Variants in C3orf52 observed in about 807,000 individuals in gnomAD.
C3orf52 encodes TPA-induced transmembrane protein.
Under a neutral mutation model 24.8 loss-of-function variants are expected in C3orf52, and 22 were observed. The ratio of observed to expected loss-of-function variants is 0.89; its 90% CI spans 0.63 to 1.27. The LOEUF (loss-of-function observed/expected upper bound fraction) is 1.27. C3orf52 is among the 50% of genes most tolerant of loss of function. C3orf52 has a pLI of 0.00. For missense variants in C3orf52, 265 were observed against 260.7 expected (o/e 1.02, Z -0.11); for synonymous variants, 93 against 100.2 (o/e 0.93, Z 0.43).
downstream of C3orf52, among the ~76,000 whole-genome samples, chr3:112,132,343 C>T (rs939003542): frequency 2.0e-5 from 3 of 152,092 alleles, no homozygotes; most frequent in Non-Finnish European, 4.4e-5. Context: ...CCCTCTGGCT[C>T]GCTTACTCTC....
rs749866717 is a variant in C3orf52, at chr3:112,102,818, A to T, written c.269-20A>T. 2.6e-6 allele frequency: 4 copies of T among 1,533,548 alleles called. No homozygotes were observed. The African/African-American group carries it at 4.2e-5, about 16-fold the overall frequency. 95.0% of individuals were successfully genotyped at this position (1,533,548 alleles called of 1,614,324 possible). On this transcript the variant is annotated intron_variant, in intron 2 of 5. Coordinates refer to ENST00000264848, the MANE Select transcript of C3orf52 (RefSeq NM_024616.3). ...GTGTTTACTTTTGTTTTTCATTTCC[A>T]CCTCCCCTACTTTCTTTAGTAACTT...
intron 4 of C3orf52, chr3:112,123,513 A>G (rs1319541443): frequency 6.2e-7 from 1 of 1,614,184 alleles, no homozygotes; most frequent in Non-Finnish European, 8.5e-7. Flanking sequence ...CTGTTGCAGA[A>G]AGTGAGAGGA....
rs878888820 is a variant in C3orf52, at chr3:112,093,213, C to A, written c.139-147C>A. ...TGAGGTTCTGTTCTGCCTCTGATCT[C>A]TCTTTTTGAAAACTTGATTCAGTAG... On this transcript the variant is annotated intron_variant, in intron 1 of 5. Coordinates refer to ENST00000264848, the MANE Select transcript of C3orf52 (RefSeq NM_024616.3). 53 of 711,808 alleles carry A rather than the reference C, an allele frequency of 7.4e-5. No homozygotes were observed. The South Asian group carries it at 8.2e-4, about 11-fold the overall frequency. 44.1% of individuals were successfully genotyped at this position (711,808 alleles called of 1,614,324 possible).
At chr3:112,102,799 A>G (rs1304860280) in intron 2 of C3orf52, 39 bp from the exon 3 acceptor site, 1 of 1,513,138 alleles carries the variant, frequency 6.6e-7, no homozygotes, top group Non-Finnish European at 8.9e-7. Flanking sequence ...GCAGGTGTTT[A>G]CTTTTGTTTT....
intron 3 of C3orf52, among the ~76,000 whole-genome samples, chr3:112,107,661 A>C (rs570107859): frequency 1.2e-4 from 19 of 152,316 alleles, no homozygotes; most frequent in African/African-American, 3.9e-4. Context: ...TTTTACTAGC[A>C]CAGTGACCTG....
rs533515584 is a variant in C3orf52, at chr3:112,117,760, A to G, written c.*1114A>G. 1 of 152,382 alleles carries G rather than the reference A, an allele frequency of 6.6e-6. No individual in the cohort carries two copies. The highest frequency in any genetic ancestry group is 1.9e-4 in the East Asian group (1 of 5,194). 9.4% of individuals were successfully genotyped at this position (152,382 alleles called of 1,614,324 possible). A position where few individuals can be genotyped will look rare whatever the true frequency, so the allele number is the denominator to read the frequency against. On this transcript the variant is annotated 3_prime_UTR_variant, in exon 6 of 6. Transcript: ENST00000264848. ...ATATTAGCAACTGTATTGGTTGTCT[A>G]CAGATACAGAATTGCCTGTTGTGAG...
chr3:112,119,332 G>A (rs867613749), downstream of C3orf52: 26 of 637,356 alleles, frequency 4.1e-5, no homozygotes, highest in Middle Eastern at 2.5e-4. Context: ...CTGAGATCAC[G>A]CCATTGCACT....
At position 112,086,630 on chromosome 3, in the gene C3orf52, T is replaced by G. The variant is rs565444400; in HGVS notation, c.138+85T>G. ...GCCTGGCACCCGCGAGTTTCGGGTT[T>G]CCAGTCAGGCGGGGCGTCGACGGCG... On this transcript the variant is annotated intron_variant, in intron 1 of 5. Transcript: ENST00000264848. 1.8e-5 allele frequency: 27 copies of G among 1,476,764 alleles called. No individual in the cohort carries two copies. The African/African-American group carries it at 3.3e-4, about 18-fold the overall frequency. 91.5% of individuals were successfully genotyped at this position (1,476,764 alleles called of 1,614,324 possible).
chr3:112,093,536 T>G, intron 2 of C3orf52, 47 bp downstream of exon 2: 1 of 1,564,802 alleles, frequency 6.4e-7, no homozygotes, highest in Non-Finnish European at 8.7e-7. Flanking sequence ...AAGAACTTAC[T>G]TAAGGCTTGT....
chr3:112,102,420 A>G (rs1430457909), intron 2 of C3orf52, among the ~76,000 whole-genome samples: 3 of 147,578 alleles, frequency 2.0e-5, no homozygotes, highest in Non-Finnish European at 4.5e-5. Context: ...ATGCTAATTC[A>G]TTGACCTGAA....
downstream of C3orf52, among the ~76,000 whole-genome samples, chr3:112,131,791 G>A (rs899151527): frequency 2.0e-5 from 3 of 152,160 alleles, no homozygotes; most frequent in African/African-American, 7.2e-5. Context: ...CTTAGGAAGA[G>A]CAAAGAATTT....
At chr3:112,094,984 A>G (rs749862775) in intron 2 of C3orf52, among the ~76,000 whole-genome samples, 1 of 152,104 alleles carries the variant, frequency 6.6e-6, no homozygotes, top group African/African-American at 2.4e-5. Flanking sequence ...CAGAAACTAC[A>G]TTTTCCATTT....
intron 3 of C3orf52, among the ~76,000 whole-genome samples, chr3:112,106,896 A>G (rs2074030350): frequency 6.6e-6 from 1 of 152,156 alleles, no homozygotes; most frequent in Admixed American, 6.5e-5. Flanking sequence ...CATCAGACTC[A>G]GCTAATCAAT....
downstream of C3orf52, chr3:112,133,158 A>G: frequency 6.2e-7 from 1 of 1,611,852 alleles, no homozygotes; most frequent in African/African-American, 1.3e-5. Flanking sequence ...CCGTCCCTTT[A>G]CCACTTCCTT....
rs1302785804 is a variant in C3orf52 at position 112,118,085 on chromosome 3, T to C, written c.*1439T>C. 1 of 152,266 alleles carries C rather than the reference T, an allele frequency of 6.6e-6. No individual in the cohort carries two copies. The highest frequency in any genetic ancestry group is 1.5e-5 in the Non-Finnish European group (1 of 68,048). The allele number at this position is 152,266 out of a possible 1,614,324, so 9.4% of individuals were successfully genotyped here. On this transcript the variant is annotated 3_prime_UTR_variant, in exon 6 of 6. Coordinates refer to ENST00000264848, the MANE Select transcript of C3orf52 (RefSeq NM_024616.3). ...AACTAGTGAAACTAGTGGATTTCTC[T>C]TCTTCCTCTTTATTTTCTGCATGTT...
chr3:112,098,678 T>G (rs1168905070), intron 2 of C3orf52, among the ~76,000 whole-genome samples: 1 of 152,218 alleles, frequency 6.6e-6, no homozygotes, highest in East Asian at 1.9e-4. Context: ...ATTTATTGCT[T>G]ACAGTTCTGG....
intron 4 of C3orf52, 70 bp from the exon 5 acceptor site, chr3:112,112,894 T>A: frequency 7.8e-7 from 1 of 1,282,680 alleles, no homozygotes; most frequent in South Asian, 1.3e-5. Flanking sequence ...AAAAAAGTTA[T>A]TGCTTAAATT....
At chr3:112,132,975 C>T (rs1231732837), downstream of C3orf52, 6 of 1,012,452 alleles carry the variant, frequency 5.9e-6, no homozygotes, top group East Asian at 2.6e-5. Flanking sequence ...GTTTCCTTAC[C>T]CAACTACTTT....
At chr3:112,132,260 A>AT (rs2074474085), downstream of C3orf52, among the ~76,000 whole-genome samples, 4 of 152,110 alleles carry the variant, frequency 2.6e-5, no homozygotes, top group South Asian at 8.3e-4. Context: ...GTGGGCTACC[A>AT]TTTTTTCCTG....
Sources: allele counts gnomAD v4.1 joint callset (sites outside exome capture counted in the v4.1 genomes callset), GRCh38; gene constraint gnomAD v4.1.1; transcripts MANE v1.5; gene names NCBI Gene and HGNC (gene_info 2026-07-23, HGNC 2026-07-21).